The following PLCB1 variants were observed in gnomAD, a reference collection of about 807,000 sequenced individuals.
The protein encoded by PLCB1 is phospholipase C beta 1, also known as 1-phosphatidylinositol 4,5-bisphosphate phosphodiesterase beta-1.
PLCB1 carries 46 observed loss-of-function variants against 161.8 expected under a neutral mutation model. The ratio of observed to expected loss-of-function variants is 0.28; its 90% CI spans 0.22 to 0.36. The LOEUF (loss-of-function observed/expected upper bound fraction) is 0.36. Ranked by LOEUF, PLCB1 falls within the 10% of genes least tolerant of loss-of-function variation. The probability of loss-of-function intolerance (pLI) is 1.00; values close to 1 mark genes in which losing one functional copy is unlikely to be tolerated. For missense variants in PLCB1, 1,016 were observed against 1,472.5 expected (o/e 0.69, Z 5.07); for synonymous variants, 517 against 503.7 (o/e 1.03, Z -0.35).
chr20:8,367,919 T>A lies in PLCB1; in HGVS notation c.178-3463T>A, dbSNP rs708932. Among the ~76,000 whole-genome samples the A allele has an allele frequency of 8.6e-3, 1,310 of 152,132 alleles. 20 individuals are homozygous for A. Among genetic ancestry groups the A allele is most frequent in the African/African-American group, 0.029 (1,215 of 41,528 alleles). ...GTTAATAGAAGTGGGAGACACTATT[T>A]GAATCATCGCTTTGTAGCCAAATGA... On this transcript the variant is annotated intron_variant, in intron 2 of 31. Coordinates refer to ENST00000338037, the MANE Select transcript of PLCB1 (RefSeq NM_015192.4).
chr20:8,550,468 C>A (rs181617703), intron 3 of PLCB1, among the ~76,000 whole-genome samples: 1 of 151,994 alleles, frequency 6.6e-6, no homozygotes, highest in African/African-American at 2.4e-5. Context: ...CCCCTTCCCT[C>A]GGCTCTCATT....
Position 8,348,184 on chromosome 20 carries a change from C to G in PLCB1, c.178-23198C>G, listed in dbSNP as rs139465532. 6.7e-3 allele frequency among the ~76,000 whole-genome samples: 1,013 copies of G among 152,190 alleles called. 4 individuals are homozygous for G. Among genetic ancestry groups the G allele is most frequent in the Non-Finnish European group, 0.01 (690 of 67,976 alleles). On this transcript the variant is annotated intron_variant, in intron 2 of 31. Transcript: ENST00000338037. ...TAGGAAGCAGGTCATAGGACAATTC[C>G]AGAAAGAAGGAGAATTATTCAATCA...
intron 3 of PLCB1, among the ~76,000 whole-genome samples, chr20:8,482,484 A>C (rs1473685): frequency 0.5 from 75,301 of 151,986 alleles, 19,488 homozygotes; most frequent in East Asian, 0.66. Flanking sequence ...TAGTATGTCC[A>C]TTTACCTATA....
intron 31 of PLCB1, among the ~76,000 whole-genome samples, chr20:8,842,064 C>T (rs1986523616): frequency 1.3e-5 from 2 of 151,996 alleles, no homozygotes; most frequent in East Asian, 1.9e-4. Context: ...AACCACTATT[C>T]AGATAAAACA....
At chr20:8,181,988 T>C (rs555289106) in intron 2 of PLCB1, among the ~76,000 whole-genome samples, 1 of 152,066 alleles carries the variant, frequency 6.6e-6, no homozygotes, top group South Asian at 2.1e-4. Context: ...ACAAAAAAGC[T>C]ACCACTAATA....
intron 2 of PLCB1, among the ~76,000 whole-genome samples, chr20:8,319,584 G>T (rs1049711966): frequency 3.9e-5 from 6 of 152,038 alleles, no homozygotes; most frequent in Admixed American, 2.6e-4. Context: ...AAGGCAAATG[G>T]TGTTGAGTAC....
chr20:8,479,312 C>T (rs142090199), intron 3 of PLCB1, among the ~76,000 whole-genome samples: 5 of 152,180 alleles, frequency 3.3e-5, no homozygotes, highest in Admixed American at 2.0e-4. Context: ...AAATGCAGTG[C>T]ATTCTCAGCA....
intron 31 of PLCB1, among the ~76,000 whole-genome samples, chr20:8,821,666 A>C (rs1985430824): frequency 6.6e-6 from 1 of 151,378 alleles, no homozygotes; most frequent in Admixed American, 6.6e-5. Context: ...GCATCATTCA[A>C]ATTTTTTATT....
At chr20:8,822,023 T>C (rs1326993082) in intron 31 of PLCB1, among the ~76,000 whole-genome samples, 1 of 151,880 alleles carries the variant, frequency 6.6e-6, no homozygotes, top group East Asian at 1.9e-4. Flanking sequence ...GAGTAGTTTC[T>C]ATCTTTTTTC....
chr20:8,375,571 A>G (rs948388107), intron 3 of PLCB1, among the ~76,000 whole-genome samples: 5 of 152,214 alleles, frequency 3.3e-5, no homozygotes, highest in African/African-American at 9.6e-5. Context: ...TGTGGGCAAT[A>G]CATATCGGAG....
intron 9 of PLCB1, among the ~76,000 whole-genome samples, chr20:8,674,361 T>C (rs963100727): frequency 6.6e-6 from 1 of 152,326 alleles, no homozygotes; most frequent in African/African-American, 2.4e-5. Context: ...TCTCTCTCTC[T>C]CACTCTCAAT....
At chr20:8,829,391 T>C (rs1985871527) in intron 31 of PLCB1, among the ~76,000 whole-genome samples, 1 of 152,166 alleles carries the variant, frequency 6.6e-6, no homozygotes, top group Non-Finnish European at 1.5e-5. Context: ...CATTGACCAG[T>C]AGGGGATAAT....
chr20:8,673,355 G>A (rs1404198688), intron 9 of PLCB1, among the ~76,000 whole-genome samples: 1 of 152,148 alleles, frequency 6.6e-6, no homozygotes, highest in Non-Finnish European at 1.5e-5. Context: ...GATTGATTTG[G>A]CTTATTCTGA....
intron 9 of PLCB1, among the ~76,000 whole-genome samples, chr20:8,664,616 C>T (rs940685992): frequency 7.2e-5 from 11 of 152,070 alleles, no homozygotes; most frequent in Non-Finnish European, 1.0e-4. Flanking sequence ...AGTTGAAAAA[C>T]GGCAGAAACT....
chr20:8,644,433 G>T (rs529710489), intron 4 of PLCB1, among the ~76,000 whole-genome samples: 1 of 149,404 alleles, frequency 6.7e-6, no homozygotes, highest in East Asian at 2.0e-4. Context: ...TGTGGGGAGC[G>T]CCTCTGCCCC....
rs139689257 is a variant in PLCB1 at position 8,304,081 on chromosome 20, G to A, written c.178-67301G>A. Among the ~76,000 whole-genome samples the A allele has an allele frequency of 3.3e-5, 5 of 152,278 alleles. No individual in the cohort carries two copies. The South Asian group carries it at 6.2e-4, about 19-fold the overall frequency. On this transcript the variant is annotated intron_variant, in intron 2 of 31. Transcript: ENST00000338037. ...CTCTCTGTCTGTAAGGGGGTAGTTG[G>A]TATGGACAAACACCAAACAGTAAGT...
At chr20:8,621,332 G>A (rs1407830414) in intron 3 of PLCB1, among the ~76,000 whole-genome samples, 1 of 152,120 alleles carries the variant, frequency 6.6e-6, no homozygotes, top group Non-Finnish European at 1.5e-5. Flanking sequence ...CAAAAAGACT[G>A]GGGGGATAGT....
chr20:8,357,276 T>G (rs1986391422), intron 2 of PLCB1, among the ~76,000 whole-genome samples: 1 of 152,212 alleles, frequency 6.6e-6, no homozygotes, highest in African/African-American at 2.4e-5. Context: ...GGTTCTTTTT[T>G]GAAAGTCTGG....
At chr20:8,793,515 G>A (rs1165711077) in intron 31 of PLCB1, among the ~76,000 whole-genome samples, 1 of 149,932 alleles carries the variant, frequency 6.7e-6, no homozygotes, top group Non-Finnish European at 1.5e-5. Flanking sequence ...GTCCGGGGGA[G>A]ACATCACACG....
Sources: gnomAD v4.1 joint callset for allele counts (sites outside exome capture counted in the v4.1 genomes callset) on GRCh38, gnomAD v4.1.1 for gene constraint, MANE v1.5 for transcripts, NCBI Gene and HGNC (gene_info 2026-07-23, HGNC 2026-07-21) for gene names.